The following PLCL2 variants were observed in gnomAD, a reference collection of about 807,000 sequenced individuals.
PLCL2 encodes phospholipase C like 2.
In PLCL2, 4 loss-of-function variants were observed where a neutral mutation model predicts 79.6. The observed-to-expected ratio is 0.05, with a 90% CI of 0.02 to 0.11. The LOEUF is 0.11. PLCL2 is among the 10% of genes least tolerant of loss of function. The pLI, the probability that PLCL2 is intolerant of heterozygous loss-of-function variation, is 1.00. For missense variants in PLCL2, 895 were observed against 1,291.0 expected (o/e 0.69, Z 4.70); for synonymous variants, 484 against 457.7 (o/e 1.06, Z -0.73).
At chr3:16,961,922 GGTTT>G (rs2063758786) in intron 1 of PLCL2, among the ~76,000 whole-genome samples, 1 of 152,158 alleles carries the variant, frequency 6.6e-6, no homozygotes, top group Non-Finnish European at 1.5e-5. Context: ...GTGGATAAGG[GGTTT>G]GTTTGGTAAG....
intron 1 of PLCL2, among the ~76,000 whole-genome samples, chr3:17,002,992 A>G (rs1381906749): frequency 6.6e-6 from 1 of 151,680 alleles, no homozygotes. Flanking sequence ...ATACCATCTG[A>G]TCATGCATAT....
intron 3 of PLCL2, among the ~76,000 whole-genome samples, chr3:17,040,750 C>T (rs2064711285): frequency 6.6e-6 from 1 of 152,110 alleles, no homozygotes; most frequent in Non-Finnish European, 1.5e-5. Flanking sequence ...AGTAATAGAA[C>T]CAGGATTAGA....
chr3:16,963,019 G>T (rs115963175), intron 1 of PLCL2, among the ~76,000 whole-genome samples: 2,181 of 152,046 alleles, frequency 0.014, 62 homozygotes, highest in African/African-American at 0.05. Context: ...TAGTATATTG[G>T]GTAGATGTAG....
chr3:17,090,289 C>G lies in PLCL2; in HGVS notation c.*377C>G, dbSNP rs2065259979. The G allele has an allele frequency of 1.0e-6, 1 of 954,652 alleles. No individual in the cohort carries two copies. Among genetic ancestry groups the G allele is most frequent in the Non-Finnish European group, 1.2e-6 (1 of 809,460 alleles). The allele number at this position is 954,652 out of a possible 1,614,324, so 59.1% of individuals were successfully genotyped here. A position where few individuals can be genotyped will look rare whatever the true frequency, so the allele number is the denominator to read the frequency against. ...ATTATTATTTATTGGAGAAAAAAAC[C>G]TGATCTACACATTTTTACTTATATG... is the stretch of plus-strand genomic sequence containing the variant. On this transcript the variant is annotated 3_prime_UTR_variant, in exon 6 of 6. Coordinates refer to ENST00000615277, the MANE Select transcript of PLCL2 (RefSeq NM_001144382.2).
chr3:16,969,820 T>C (rs1434640900), intron 1 of PLCL2, among the ~76,000 whole-genome samples: 1 of 151,940 alleles, frequency 6.6e-6, no homozygotes, highest in East Asian at 1.9e-4. Flanking sequence ...TTCCTCAAAG[T>C]GTGATGTTAG....
chr3:16,972,267 A>G (rs986210911), intron 1 of PLCL2, among the ~76,000 whole-genome samples: 5 of 152,174 alleles, frequency 3.3e-5, no homozygotes, highest in East Asian at 3.9e-4. Flanking sequence ...ACATGATTGT[A>G]TATCTCGAAA....
At chr3:17,034,479 G>T (rs1241398422) in intron 3 of PLCL2, among the ~76,000 whole-genome samples, 1 of 152,208 alleles carries the variant, frequency 6.6e-6, no homozygotes, top group African/African-American at 2.4e-5. Flanking sequence ...CTGTTTTTGA[G>T]CTGTGTGGTA....
chr3:16,966,171 T>C (rs1201006879), intron 1 of PLCL2, among the ~76,000 whole-genome samples: 2 of 146,344 alleles, frequency 1.4e-5, no homozygotes, highest in Non-Finnish European at 3.0e-5. Context: ...AAATAGCTCT[T>C]ATTATTTTGA....
intron 1 of PLCL2, among the ~76,000 whole-genome samples, chr3:16,964,119 C>T (rs1037390639): frequency 6.6e-6 from 1 of 151,888 alleles, no homozygotes; most frequent in African/African-American, 2.4e-5. Flanking sequence ...GTGTGCTGCA[C>T]CCATTAACTC....
chr3:16,968,880 G>A (rs917593591), intron 1 of PLCL2, among the ~76,000 whole-genome samples: 1 of 152,226 alleles, frequency 6.6e-6, no homozygotes, highest in Non-Finnish European at 1.5e-5. Flanking sequence ...TGTTGGCCGT[G>A]GGTTTGTTAT....
intron 4 of PLCL2, among the ~76,000 whole-genome samples, chr3:17,056,497 C>T (rs1395502945): frequency 1.3e-5 from 2 of 151,978 alleles, no homozygotes; most frequent in East Asian, 1.9e-4. Flanking sequence ...TAAAAGTGAA[C>T]AAATGCATTC....
intron 3 of PLCL2, among the ~76,000 whole-genome samples, chr3:17,031,171 A>G (rs542102679): frequency 3.3e-4 from 51 of 152,250 alleles, no homozygotes; most frequent in African/African-American, 1.2e-3. Flanking sequence ...GTTTTGAACC[A>G]TTCTCATCAG....
At chr3:17,040,200 A>G (rs2064705683) in intron 3 of PLCL2, among the ~76,000 whole-genome samples, 1 of 152,280 alleles carries the variant, frequency 6.6e-6, no homozygotes, top group South Asian at 2.1e-4. Context: ...TCACACATAG[A>G]GGGCCTCAGT....
At chr3:16,948,495 A>G (rs768745863) in intron 1 of PLCL2, among the ~76,000 whole-genome samples, 1 of 152,230 alleles carries the variant, frequency 6.6e-6, no homozygotes, top group African/African-American at 2.4e-5. Context: ...ATTGAATTGT[A>G]CACTTTAAAT....
intron 1 of PLCL2, among the ~76,000 whole-genome samples, chr3:16,985,913 T>G (rs1325098588): frequency 1.3e-5 from 2 of 152,102 alleles, no homozygotes; most frequent in Non-Finnish European, 2.9e-5. Context: ...GGCAGCCCCT[T>G]GGAGATACCA....
chr3:17,036,598 A>C (rs1391607825), intron 3 of PLCL2, among the ~76,000 whole-genome samples: 1 of 152,218 alleles, frequency 6.6e-6, no homozygotes. Context: ...CAAAGCTTAC[A>C]AATTCCCAAG....
intron 1 of PLCL2, among the ~76,000 whole-genome samples, chr3:16,988,768 C>T (rs2064075486): frequency 6.6e-6 from 1 of 151,944 alleles, no homozygotes; most frequent in African/African-American, 2.4e-5. Context: ...TCTATTAAGC[C>T]TTTAAACTTT....
chr3:16,916,184 G>A (rs1013445541), intron 1 of PLCL2, among the ~76,000 whole-genome samples: 12 of 152,184 alleles, frequency 7.9e-5, no homozygotes, highest in African/African-American at 2.9e-4. Context: ...GTGGAACAGA[G>A]GTTTGGGGAA....
At chr3:16,969,659 T>G (rs1381678583) in intron 1 of PLCL2, among the ~76,000 whole-genome samples, 1 of 152,074 alleles carries the variant, frequency 6.6e-6, no homozygotes, top group Non-Finnish European at 1.5e-5. Flanking sequence ...TAGCTAGCAG[T>G]CTATCCGTCT....
Sources: allele counts gnomAD v4.1 joint callset (sites outside exome capture counted in the v4.1 genomes callset), GRCh38; gene constraint gnomAD v4.1.1; transcripts MANE v1.5; gene names NCBI Gene and HGNC (gene_info 2026-07-23, HGNC 2026-07-21).